The following AFF3 variants were observed in gnomAD, a reference collection of about 807,000 sequenced individuals.
AFF3 encodes the protein AF4/FMR2 family member 3.
In AFF3, 32 loss-of-function variants were observed where a neutral mutation model predicts 129.7. The observed-to-expected ratio is 0.25, with a 90% CI of 0.19 to 0.33. The LOEUF is 0.33. Ranked by LOEUF, AFF3 falls within the 10% of genes least tolerant of loss-of-function variation. AFF3 has a pLI of 1.00. For missense variants in AFF3, 1,373 were observed against 1,592.0 expected (o/e 0.86, Z 2.34); for synonymous variants, 644 against 635.4 (o/e 1.01, Z -0.20).
At position 99,736,324 on chromosome 2, in the gene AFF3, T is replaced by C. The variant is rs1165638029; in HGVS notation, c.1039+7780A>G. ...CATATATCAAATTATTTTGTCCATATGGTAAGTTGTATCTTTCCTTGGGTA... is the reference window on the plus strand; with the variant it reads ...CATATATCAAATTATTTTGTCCATACGGTAAGTTGTATCTTTCCTTGGGTA... On this transcript the variant is annotated intron_variant, in intron 10 of 24. Transcript: ENST00000672756. Among the ~76,000 whole-genome samples the C allele has an allele frequency of 2.0e-5, 3 of 152,354 alleles. No homozygotes were observed. In the South Asian group the frequency reaches 6.2e-4, roughly 32 times the overall value.
At chr2:99,995,563 G>A (rs1680765503) in intron 7 of AFF3, among the ~76,000 whole-genome samples, 1 of 152,042 alleles carries the variant, frequency 6.6e-6, no homozygotes, top group African/African-American at 2.4e-5. Flanking sequence ...TAGTAGAGAT[G>A]GGGTTTCACC....
At chr2:99,672,178 TCACACACACA>T (rs1177303721) in intron 12 of AFF3, among the ~76,000 whole-genome samples, 928 of 56,296 alleles carry the variant, frequency 0.016, 8 homozygotes, top group Middle Eastern at 0.057. Context: ...AGTTAGCTTC[TCACACACACA>T]CACACACACA....
At chr2:99,872,586 C>T (rs941569964) in intron 7 of AFF3, among the ~76,000 whole-genome samples, 14 of 130,840 alleles carry the variant, frequency 1.1e-4, no homozygotes, top group South Asian at 6.7e-4. Flanking sequence ...TGCAAAAATG[C>T]TTCTTACAAA....
intron 4 of AFF3, among the ~76,000 whole-genome samples, chr2:100,072,239 C>T (rs13019124): frequency 0.13 from 19,457 of 152,106 alleles, 1,582 homozygotes; most frequent in South Asian, 0.2. Flanking sequence ...AGATCACCGG[C>T]GGCATTAGAT....
At chr2:100,017,220 C>G (rs762421790) in intron 4 of AFF3, among the ~76,000 whole-genome samples, 1 of 152,048 alleles carries the variant, frequency 6.6e-6, no homozygotes, top group Non-Finnish European at 1.5e-5. Flanking sequence ...TCCTTATGAG[C>G]CAAGTAATTT....
chr2:100,123,392 C>G (rs1692060512), intron 2 of AFF3, among the ~76,000 whole-genome samples: 1 of 152,158 alleles, frequency 6.6e-6, no homozygotes, highest in Admixed American at 6.5e-5. Flanking sequence ...GGTGACATGA[C>G]TGTCAAGGCA....
At chr2:99,828,580 G>A (rs1181235080) in intron 8 of AFF3, among the ~76,000 whole-genome samples, 1 of 152,234 alleles carries the variant, frequency 6.6e-6, no homozygotes, top group Non-Finnish European at 1.5e-5. Context: ...TCCAAAGGGG[G>A]CCATGACTCA....
intron 7 of AFF3, among the ~76,000 whole-genome samples, chr2:99,838,033 A>T (rs1041593249): frequency 6.6e-6 from 1 of 152,146 alleles, no homozygotes; most frequent in Non-Finnish European, 1.5e-5. Flanking sequence ...GAAAGACCAA[A>T]AAGAGAAACA....
chr2:99,974,757 G>A (rs1040340189), intron 7 of AFF3, among the ~76,000 whole-genome samples: 1 of 152,194 alleles, frequency 6.6e-6, no homozygotes, highest in South Asian at 2.1e-4. Flanking sequence ...TGTCATCCAT[G>A]GCAGAAATAA....
intron 12 of AFF3, among the ~76,000 whole-genome samples, chr2:99,661,059 C>T (rs2104309739): frequency 6.6e-6 from 1 of 152,334 alleles, no homozygotes; most frequent in African/African-American, 2.4e-5. Flanking sequence ...TACTATATGA[C>T]ACTGCCCATG....
At chr2:100,061,934 C>T (rs910592756) in intron 4 of AFF3, among the ~76,000 whole-genome samples, 18 of 151,526 alleles carry the variant, frequency 1.2e-4, no homozygotes, top group South Asian at 2.1e-4. Context: ...ATATAATTTC[C>T]GTAGAATTTT....
At chr2:100,037,210 T>C (rs972855284) in intron 4 of AFF3, among the ~76,000 whole-genome samples, 1 of 151,752 alleles carries the variant, frequency 6.6e-6, no homozygotes, top group Non-Finnish European at 1.5e-5. Context: ...ATAAACAAGT[T>C]ATGGTATATT....
In AFF3 at chr2:99,548,574, CA is replaced by C. The variant is rs1042453683; in HGVS notation, c.*2899del. 10 of 196,850 alleles carry C rather than the reference CA, an allele frequency of 5.1e-5. No individual in the cohort carries two copies. The highest frequency in any genetic ancestry group is 6.3e-5 in the Non-Finnish European group (6 of 95,132). The allele number at this position is 196,850 out of a possible 1,614,324, so 12.2% of individuals were successfully genotyped here. A position where few individuals can be genotyped will look rare whatever the true frequency, so the allele number is the denominator to read the frequency against. On this transcript the variant is annotated 3_prime_UTR_variant, in exon 25 of 25. Transcript: ENST00000672756. ...CAACATAGTGAGACCCCCATCTCTACAAAAAAAATAAAGAAAAAATTAGCCG... is the reference window on the plus strand; with the variant it reads ...CAACATAGTGAGACCCCCATCTCTACAAAAAAATAAAGAAAAAATTAGCCG...
At chr2:99,758,849 C>CA (rs1301215112) in intron 8 of AFF3, among the ~76,000 whole-genome samples, 2 of 152,156 alleles carry the variant, frequency 1.3e-5, no homozygotes, top group Non-Finnish European at 2.9e-5. Context: ...TCTTTACTCC[C>CA]AGTCCAGTAT....
At chr2:99,609,250 G>T (rs1309855878) in intron 13 of AFF3, among the ~76,000 whole-genome samples, 3 of 151,268 alleles carry the variant, frequency 2.0e-5, no homozygotes, top group Admixed American at 6.6e-5. Context: ...ATAGGTTTTT[G>T]GGGGGGAGGG....
intron 11 of AFF3, among the ~76,000 whole-genome samples, chr2:99,682,153 C>T (rs577522456): frequency 9.2e-5 from 14 of 152,048 alleles, no homozygotes; most frequent in African/African-American, 2.2e-4. Flanking sequence ...GTGATCTGCC[C>T]GCCTTGGCCT....
chr2:99,819,818 G>C (rs1687510258), intron 8 of AFF3, among the ~76,000 whole-genome samples: 1 of 152,154 alleles, frequency 6.6e-6, no homozygotes, highest in African/African-American at 2.4e-5. Context: ...AGGGGAGCCG[G>C]AGCTTCTGCC....
At chr2:99,740,763 T>C (rs1680655925) in intron 10 of AFF3, among the ~76,000 whole-genome samples, 1 of 151,018 alleles carries the variant, frequency 6.6e-6, no homozygotes, top group African/African-American at 2.4e-5. Flanking sequence ...ATTTTGTAGG[T>C]TGCCTGTTCA....
intron 7 of AFF3, among the ~76,000 whole-genome samples, chr2:99,853,329 T>C (rs1170045578): frequency 6.6e-6 from 1 of 152,218 alleles, no homozygotes; most frequent in Non-Finnish European, 1.5e-5. Context: ...ATTGAATTCC[T>C]TGGTGTTTAC....
Sources: gnomAD v4.1 joint callset for allele counts (sites outside exome capture counted in the v4.1 genomes callset) on GRCh38, gnomAD v4.1.1 for gene constraint, MANE v1.5 for transcripts, NCBI Gene and HGNC (gene_info 2026-07-23, HGNC 2026-07-21) for gene names.